The following PROM1 variants were observed in gnomAD, a reference collection of about 807,000 sequenced individuals.
PROM1 encodes the protein prominin-1.
Under a neutral mutation model 116.9 loss-of-function variants are expected in PROM1, and 105 were observed. That is an observed-to-expected ratio of 0.90 (90% CI 0.77 to 1.06). PROM1 has a LOEUF of 1.06. Ranked by LOEUF, PROM1 falls within the 50% of genes least tolerant of loss-of-function variation. The pLI, the probability that PROM1 is intolerant of heterozygous loss-of-function variation, is 0.00. For missense variants in PROM1, 1,122 were observed against 1,045.2 expected (o/e 1.07, Z -1.01); for synonymous variants, 393 against 387.0 (o/e 1.02, Z -0.18).
intron 26 of PROM1, among the ~76,000 whole-genome samples, chr4:15,972,293 G>A (rs1471626503): frequency 1.3e-5 from 2 of 152,154 alleles, no homozygotes; most frequent in African/African-American, 4.8e-5. Context: ...CAGAGACTGG[G>A]TAACTTACAA....
chr4:16,002,702 A>G (rs988422497), intron 13 of PROM1, among the ~76,000 whole-genome samples: 1 of 152,182 alleles, frequency 6.6e-6, no homozygotes, highest in African/African-American at 2.4e-5. Context: ...TCCCTGTCTG[A>G]GCATGTGTGT....
chr4:16,003,474 CCA>C, intron 13 of PROM1: 1 of 451,678 alleles, frequency 2.2e-6, no homozygotes, highest in South Asian at 1.6e-5. Flanking sequence ...AGGAATGTGC[CCA>C]GTTTGTGATA....
In PROM1 at chr4:16,060,059, G is replaced by A. The variant is rs141979526; in HGVS notation, c.220+15628C>T. Among the ~76,000 whole-genome samples, 19 of 152,266 alleles carry A rather than the reference G, an allele frequency of 1.2e-4. No individual in the cohort carries two copies. In the East Asian group the frequency reaches 3.7e-3, roughly 29 times the overall value. ...GTTGGCTTCTACATGCATAAAATAG[G>A]TCTGAAGAGACACAGACACACACAA... On this transcript the variant is annotated intron_variant, in intron 2 of 27. Coordinates refer to ENST00000447510, the MANE Select transcript of PROM1 (RefSeq NM_006017.3).
chr4:16,066,521 G>A (rs1299427579), intron 2 of PROM1, among the ~76,000 whole-genome samples: 1 of 152,190 alleles, frequency 6.6e-6, no homozygotes, highest in Non-Finnish European at 1.5e-5. Flanking sequence ...AATCTAGGCA[G>A]TGACTCCAGG....
intron 26 of PROM1, among the ~76,000 whole-genome samples, chr4:15,977,819 T>G (rs967254858): frequency 6.6e-6 from 1 of 152,160 alleles, no homozygotes; most frequent in Non-Finnish European, 1.5e-5. Context: ...AGGATGGTCT[T>G]GATCTCCTGA....
intron 5 of PROM1, 144 bp from the exon 6 acceptor site, chr4:16,025,456 C>T (rs913421700): frequency 5.7e-6 from 6 of 1,047,514 alleles, no homozygotes; most frequent in Non-Finnish European, 6.7e-6. Context: ...CCTCCCACAT[C>T]CTTCCCACCG....
chr4:16,010,541 T>A (rs919071182), intron 11 of PROM1, among the ~76,000 whole-genome samples: 1 of 152,218 alleles, frequency 6.6e-6, no homozygotes. Flanking sequence ...TCTCTCTGTA[T>A]TGCCCAGGCT....
chr4:15,998,892 A>G (rs1722986514), intron 14 of PROM1, among the ~76,000 whole-genome samples: 1 of 152,000 alleles, frequency 6.6e-6, no homozygotes, highest in Non-Finnish European at 1.5e-5. Context: ...TTGTAGTTTT[A>G]GTAGAAATGG....
At chr4:15,999,865 A>G (rs1239705532) in intron 14 of PROM1, among the ~76,000 whole-genome samples, 1 of 152,198 alleles carries the variant, frequency 6.6e-6, no homozygotes, top group Non-Finnish European at 1.5e-5. Context: ...AAACACAGAA[A>G]AGCCACAATT....
chr4:16,024,773 T>C (rs1730820960), intron 6 of PROM1, among the ~76,000 whole-genome samples: 2 of 152,172 alleles, frequency 1.3e-5, no homozygotes, highest in African/African-American at 4.8e-5. Context: ...GATATATCTA[T>C]GCAGACATTA....
intron 5 of PROM1, among the ~76,000 whole-genome samples, chr4:16,027,297 AACACAC>A (rs144910885): frequency 1.2e-4 from 18 of 147,128 alleles, no homozygotes; most frequent in Admixed American, 2.7e-4. Context: ...GTGAAGAAGA[AACACAC>A]ACACACACAC....
rs545496606 is a variant in PROM1, at chr4:15,987,732, T to C, written c.2077-16A>G. ...ATAGAGTGCTCTGGCAAGAAACAGA[T>C]AATATTTCCAAAATTATTACATGAA... On this transcript the variant is annotated splice_polypyrimidine_tract_variant and intron_variant, in intron 19 of 27. Coordinates refer to ENST00000447510, the MANE Select transcript of PROM1 (RefSeq NM_006017.3). 1.9e-6 allele frequency: 3 copies of C among 1,602,600 alleles called. No homozygotes were observed. The highest frequency in any genetic ancestry group is 1.3e-5 in the African/African-American group (1 of 74,620).
At chr4:15,998,514 G>T in intron 14 of PROM1, 26 bp from the exon 15 acceptor site, 1 of 1,545,942 alleles carries the variant, frequency 6.5e-7, no homozygotes, top group Non-Finnish European at 8.7e-7. Context: ...AAGTATTTTC[G>T]AAAAATCAGT....
chr4:16,063,284 T>A (rs951708338), intron 2 of PROM1, among the ~76,000 whole-genome samples: 1 of 152,108 alleles, frequency 6.6e-6, no homozygotes, highest in Non-Finnish European at 1.5e-5. Flanking sequence ...GACATAAAGG[T>A]GCACCTTATA....
chr4:15,994,429 G>T (rs1042125888), intron 15 of PROM1, among the ~76,000 whole-genome samples: 1 of 152,244 alleles, frequency 6.6e-6, no homozygotes, highest in African/African-American at 2.4e-5. Flanking sequence ...ACGCACTGCA[G>T]AGTAGATTAT....
chr4:16,068,461 T>C (rs1742055058), intron 2 of PROM1, among the ~76,000 whole-genome samples: 1 of 152,184 alleles, frequency 6.6e-6, no homozygotes, highest in Non-Finnish European at 1.5e-5. Flanking sequence ...CTGAAGTCAC[T>C]TGATGTAACC....
chr4:15,976,316 C>G (rs1434999936), intron 26 of PROM1: 1 of 416,778 alleles, frequency 2.4e-6, no homozygotes, highest in Non-Finnish European at 4.8e-6. Context: ...TCTTGTACAG[C>G]AAGTTAAATC....
chr4:16,040,499 G>C (rs1243192618), intron 2 of PROM1, among the ~76,000 whole-genome samples: 4 of 152,168 alleles, frequency 2.6e-5, no homozygotes, highest in Non-Finnish European at 5.9e-5. Flanking sequence ...GTCTACTGTT[G>C]ATTTAAAAAC....
At chr4:16,021,056 C>T (rs1304948560) in intron 8 of PROM1, among the ~76,000 whole-genome samples, 1 of 145,812 alleles carries the variant, frequency 6.9e-6, no homozygotes, top group Non-Finnish European at 1.5e-5. Context: ...TCTGCTCTCT[C>T]CAAAACCCAC....
Sources: allele counts gnomAD v4.1 joint callset (sites outside exome capture counted in the v4.1 genomes callset), GRCh38; gene constraint gnomAD v4.1.1; transcripts MANE v1.5; gene names NCBI Gene and HGNC (gene_info 2026-07-23, HGNC 2026-07-21).